The following ME3 variants were observed in gnomAD, a reference collection of about 807,000 sequenced individuals.
ME3 encodes NADP-dependent malic enzyme, mitochondrial.
A neutral mutation model predicts 68.9 loss-of-function variants in ME3; 48 were observed. The observed-to-expected ratio is 0.70, with a 90% CI of 0.55 to 0.89. The LOEUF (loss-of-function observed/expected upper bound fraction) is 0.89, where lower values mean the gene tolerates loss of function less well. Among genes scored for constraint, ME3 ranks in the 40% least tolerant of loss-of-function variants. ME3 has a pLI of 0.00. For missense variants in ME3, 675 were observed against 797.4 expected, an observed-to-expected ratio of 0.85 and a Z score of 1.85; for synonymous variants, 320 against 318.8, an observed-to-expected ratio of 1.00 and a Z score of -0.04.
At chr11:86,531,792 C>T (rs113763361) in intron 4 of ME3, among the ~76,000 whole-genome samples, 1,868 of 128,846 alleles carry the variant, frequency 0.014, 37 homozygotes, top group African/African-American at 0.052. Context: ...CACATGGACA[C>T]AGGAAGGGGA....
chr11:86,459,735 C>T (rs766177610), intron 8 of ME3, among the ~76,000 whole-genome samples: 7 of 152,318 alleles, frequency 4.6e-5, no homozygotes, highest in Admixed American at 1.3e-4. Context: ...GGATTCAGAC[C>T]TAGGCTTGTC....
chr11:86,620,063 C>T (rs1943246541), intron 2 of ME3, among the ~76,000 whole-genome samples: 1 of 152,168 alleles, frequency 6.6e-6, no homozygotes. Context: ...TAAAAAGTTA[C>T]ATTATCTGTT....
chr11:86,594,915 A>C (rs1959194706), intron 2 of ME3, among the ~76,000 whole-genome samples: 2 of 145,820 alleles, frequency 1.4e-5, no homozygotes, highest in African/African-American at 5.1e-5. Flanking sequence ...GGACTGAGTC[A>C]GCAATGAGTT....
intron 8 of ME3, among the ~76,000 whole-genome samples, chr11:86,460,066 C>G (rs576405582): frequency 2.0e-5 from 3 of 152,338 alleles, no homozygotes; most frequent in Admixed American, 1.3e-4. Flanking sequence ...ATTCCCACTG[C>G]CTTTCCCCTT....
At chr11:86,671,918 C>T (rs766883401) in exon 2 of ME3, 8 of 1,439,614 alleles carry the variant, frequency 5.6e-6, no homozygotes, top group South Asian at 3.0e-5. Flanking sequence ...GAGCCAGCCG[C>T]GTGCCTGTCC....
chr11:86,672,456 G>C (rs985383037), exon 1 of ME3: 1 of 152,768 alleles, frequency 6.5e-6, no homozygotes, highest in Non-Finnish European at 1.5e-5. Context: ...GAGCTGGTGA[G>C]TTCCTCAAAG....
At chr11:86,597,366 T>C (rs889732009) in intron 2 of ME3, among the ~76,000 whole-genome samples, 16 of 152,218 alleles carry the variant, frequency 1.1e-4, no homozygotes, top group African/African-American at 3.6e-4. Flanking sequence ...AATTAGTCCA[T>C]ATACTTCCAC....
chr11:86,499,978 A>T (rs2139032128), intron 5 of ME3, among the ~76,000 whole-genome samples: 1 of 152,374 alleles, frequency 6.6e-6, no homozygotes, highest in East Asian at 1.9e-4. Flanking sequence ...TGAATGTGAC[A>T]GGGCAGGGTT....
chr11:86,543,388 G>A (rs1054280742), intron 4 of ME3, among the ~76,000 whole-genome samples: 1 of 152,178 alleles, frequency 6.6e-6, no homozygotes, highest in Non-Finnish European at 1.5e-5. Flanking sequence ...AGAACCATTG[G>A]TGTGCTGTAT....
At chr11:86,551,041 A>G (rs184685191) in intron 4 of ME3, among the ~76,000 whole-genome samples, 58 of 151,992 alleles carry the variant, frequency 3.8e-4, no homozygotes, top group African/African-American at 1.4e-3. Flanking sequence ...GAAGGTTCCA[A>G]TGCAAGAAAA....
At chr11:86,452,768 G>T (rs1594016452) in intron 8 of ME3, among the ~76,000 whole-genome samples, 1 of 152,122 alleles carries the variant, frequency 6.6e-6, no homozygotes, top group African/African-American at 2.4e-5. Context: ...TCTGTTGGAG[G>T]TTAATTCCAC....
At chr11:86,628,073 T>A (rs752072263) in intron 2 of ME3, among the ~76,000 whole-genome samples, 10 of 152,204 alleles carry the variant, frequency 6.6e-5, no homozygotes, top group Non-Finnish European at 1.3e-4. Context: ...CTGGTGCAGA[T>A]GATTCAATGG....
chr11:86,635,568 G>T (rs1944283724), intron 2 of ME3, among the ~76,000 whole-genome samples: 1 of 152,220 alleles, frequency 6.6e-6, no homozygotes, highest in Admixed American at 6.5e-5. Flanking sequence ...GAGCCCTCAA[G>T]AATAGATTAA....
At chr11:86,502,773 T>A (rs183082292) in intron 5 of ME3, among the ~76,000 whole-genome samples, 1 of 152,044 alleles carries the variant, frequency 6.6e-6, no homozygotes, top group East Asian at 1.9e-4. Context: ...TCAGGGGAGG[T>A]TTGGGGGAGG....
intron 4 of ME3, among the ~76,000 whole-genome samples, chr11:86,545,614 G>T (rs1329591295): frequency 2.0e-5 from 3 of 152,170 alleles, no homozygotes; most frequent in Non-Finnish European, 2.9e-5. Flanking sequence ...CAAGGGATGT[G>T]AAGGACCCAT....
chr11:86,600,108 G>A (rs987788276), intron 2 of ME3, among the ~76,000 whole-genome samples: 9 of 152,040 alleles, frequency 5.9e-5, no homozygotes, highest in East Asian at 5.8e-4. Context: ...AACAATATTA[G>A]CTTTAAATGT....
At chr11:86,498,407 C>T (rs1952506537) in intron 5 of ME3, among the ~76,000 whole-genome samples, 1 of 152,186 alleles carries the variant, frequency 6.6e-6, no homozygotes, top group Non-Finnish European at 1.5e-5. Flanking sequence ...AGGGAAACCA[C>T]ATTAAGTCAC....
At chr11:86,668,613 T>C (rs563345655) in intron 2 of ME3, among the ~76,000 whole-genome samples, 1 of 152,332 alleles carries the variant, frequency 6.6e-6, no homozygotes, top group South Asian at 2.1e-4. Flanking sequence ...CAGAGGAGCT[T>C]ATGAGATTCA....
chr11:86,564,738 C>A (rs1336028016), intron 2 of ME3, among the ~76,000 whole-genome samples: 6 of 152,008 alleles, frequency 3.9e-5, no homozygotes, highest in African/African-American at 1.4e-4. Flanking sequence ...AGATCCAAAA[C>A]CATAAAACAG....
Sources: allele counts gnomAD v4.1 joint callset (sites outside exome capture counted in the v4.1 genomes callset), GRCh38; gene constraint gnomAD v4.1.1; transcripts MANE v1.5; gene names NCBI Gene and HGNC (gene_info 2026-07-23, HGNC 2026-07-21).